SHISAL1: variants seen among roughly 807,000 people sequenced by gnomAD.
The protein encoded by SHISAL1 is protein shisa-like-1.
A neutral mutation model predicts 22.6 loss-of-function variants in SHISAL1; 9 were observed. That is an observed-to-expected ratio of 0.40 (90% CI 0.24 to 0.70). The LOEUF (loss-of-function observed/expected upper bound fraction) is 0.70. Ranked by LOEUF, SHISAL1 falls within the 30% of genes least tolerant of loss-of-function variation. SHISAL1 has a pLI of 0.39. For synonymous variants in SHISAL1, 119 were observed against 115.4 expected (o/e 1.03, Z -0.20); for missense variants, 246 against 270.6 (o/e 0.91, Z 0.64).
intron 4 of SHISAL1, among the ~76,000 whole-genome samples, chr22:44,282,428 G>A (rs938904363): frequency 2.6e-5 from 4 of 152,152 alleles, no homozygotes; most frequent in Admixed American, 6.5e-5. Context: ...TCCCCCCTGC[G>A]GTGGTCCTTG....
rs546734020 is a variant in SHISAL1, at chr22:44,252,875, G to A, written c.*-3190C>T. On this transcript the variant is annotated intron_variant, in intron 4 of 4. Transcript: ENST00000381176. ...CCGGGCGTGGTGGTGGGTGCCTGCA[G>A]TCCCAGCTACTCAAGAGGCTGAGGC... Among the ~76,000 whole-genome samples the A allele has an allele frequency of 1.3e-4, 20 of 151,972 alleles. No homozygotes were observed. In the East Asian group the frequency reaches 3.7e-3, roughly 28 times the overall value.
chr22:44,312,029 G>T (rs943508485), intron 1 of SHISAL1, among the ~76,000 whole-genome samples: 4 of 151,626 alleles, frequency 2.6e-5, no homozygotes, highest in Admixed American at 6.6e-5. Flanking sequence ...GCCTCGGGGT[G>T]GGGGTGGCTC....
intron 1 of SHISAL1, among the ~76,000 whole-genome samples, chr22:44,312,312 G>A (rs2055525180): frequency 1.3e-5 from 2 of 152,170 alleles, no homozygotes; most frequent in Admixed American, 1.3e-4. Flanking sequence ...CCCCCGTGAA[G>A]CCAACCAAAT....
chr22:44,273,411 G>A (rs1354103711), intron 4 of SHISAL1, among the ~76,000 whole-genome samples: 3 of 152,132 alleles, frequency 2.0e-5, no homozygotes, highest in Non-Finnish European at 4.4e-5. Flanking sequence ...CACAGATGAT[G>A]GTAAATGTAG....
At chr22:44,304,504 T>G (rs981129558) in intron 1 of SHISAL1, among the ~76,000 whole-genome samples, 1 of 152,118 alleles carries the variant, frequency 6.6e-6, no homozygotes, top group East Asian at 1.9e-4. Flanking sequence ...ACACTAAGCT[T>G]ACTCATCTCT....
chr22:44,254,202 TGAGA>T (rs1028454429), intron 4 of SHISAL1, among the ~76,000 whole-genome samples: 1 of 151,592 alleles, frequency 6.6e-6, no homozygotes, highest in African/African-American at 2.4e-5. Context: ...TATTAATAAA[TGAGA>T]AAGAATGAAT....
At chr22:44,307,096 C>T (rs918959661) in intron 1 of SHISAL1, among the ~76,000 whole-genome samples, 3 of 152,206 alleles carry the variant, frequency 2.0e-5, no homozygotes, top group Non-Finnish European at 4.4e-5. Flanking sequence ...GTCTGTGGGA[C>T]ACCACTCCGG....
At chr22:44,326,632 G>A in the SHISAL1 span, among the ~76,000 whole-genome samples, 16 of 152,272 alleles carry the variant, frequency 1.1e-4, 1 homozygote, top group East Asian at 9.6e-4. Flanking sequence ...GGAGGCAGCC[G>A]TTTGCACACA....
At chr22:44,265,856 G>A (rs528489165) in intron 4 of SHISAL1, among the ~76,000 whole-genome samples, 1 of 152,308 alleles carries the variant, frequency 6.6e-6, no homozygotes, top group South Asian at 2.1e-4. Context: ...AGGCTGCCTG[G>A]GAAGGTCTTC....
chr22:44,318,198 T>G, the SHISAL1 span, among the ~76,000 whole-genome samples: 1 of 152,258 alleles, frequency 6.6e-6, no homozygotes, highest in East Asian at 1.9e-4. Flanking sequence ...AGAGAAGGCC[T>G]CCTGCTTTCC....
At chr22:44,322,874 G>T in the SHISAL1 span, among the ~76,000 whole-genome samples, 1 of 152,212 alleles carries the variant, frequency 6.6e-6, no homozygotes, top group African/African-American at 2.4e-5. Context: ...TTCCTTGGCT[G>T]CCCTGATCTT....
intron 4 of SHISAL1, among the ~76,000 whole-genome samples, chr22:44,280,032 A>C (rs537172720): frequency 4.6e-5 from 7 of 150,702 alleles, no homozygotes; most frequent in Admixed American, 2.0e-4. Flanking sequence ...GGGGGCTGGG[A>C]GGGCTGGGGC....
intron 2 of SHISAL1, among the ~76,000 whole-genome samples, chr22:44,300,260 C>A (rs1225711945): frequency 6.6e-6 from 1 of 151,996 alleles, no homozygotes; most frequent in Non-Finnish European, 1.5e-5. Context: ...CACAGAAAGA[C>A]AGAGGGAGAG....
intron 4 of SHISAL1, among the ~76,000 whole-genome samples, chr22:44,270,557 GAC>G (rs1262290519): frequency 1.1e-4 from 16 of 152,178 alleles, no homozygotes; most frequent in African/African-American, 3.9e-4. Context: ...TTACAGAAGG[GAC>G]ACTCAGCAGT....
chr22:44,312,222 C>A (rs2147312958), intron 1 of SHISAL1, among the ~76,000 whole-genome samples: 1 of 152,308 alleles, frequency 6.6e-6, no homozygotes, highest in Non-Finnish European at 1.5e-5. Context: ...TTCATTCATT[C>A]ATCTATTCAC....
At chr22:44,275,532 T>C (rs1348812310) in intron 4 of SHISAL1, among the ~76,000 whole-genome samples, 1 of 152,108 alleles carries the variant, frequency 6.6e-6, no homozygotes, top group African/African-American at 2.4e-5. Flanking sequence ...GAGGCCTACC[T>C]TGCACAGAGA....
intron 4 of SHISAL1, among the ~76,000 whole-genome samples, chr22:44,254,563 T>G (rs1041403674): frequency 6.6e-6 from 1 of 152,176 alleles, no homozygotes; most frequent in African/African-American, 2.4e-5. Context: ...GGTCTTGCTG[T>G]GTTGCCCAGG....
chr22:44,270,066 C>T (rs891195347), intron 4 of SHISAL1, among the ~76,000 whole-genome samples: 7 of 152,256 alleles, frequency 4.6e-5, no homozygotes, highest in African/African-American at 9.6e-5. Flanking sequence ...ATAGCCTCCC[C>T]CTGGGCCTCC....
chr22:44,301,021 C>T, intron 1 of SHISAL1, 44 bp from the exon 2 acceptor site: 1 of 1,391,512 alleles, frequency 7.2e-7, no homozygotes, highest in Non-Finnish European at 1.0e-6. Flanking sequence ...GGCTGTCTCG[C>T]CTGACACTGG....
Sources: gnomAD v4.1 joint callset for allele counts (sites outside exome capture counted in the v4.1 genomes callset) on GRCh38, gnomAD v4.1.1 for gene constraint, MANE v1.5 for transcripts, NCBI Gene and HGNC (gene_info 2026-07-23, HGNC 2026-07-21) for gene names.